The following KCNIP4 variants were observed in gnomAD, a reference collection of about 807,000 sequenced individuals.
The protein encoded by KCNIP4 is potassium voltage-gated channel interacting protein 4, also known as Kv channel-interacting protein 4.
KCNIP4 carries 12 observed loss-of-function variants against 34.0 expected under a neutral mutation model. That is an observed-to-expected ratio of 0.35 (90% CI 0.23 to 0.57). The LOEUF is 0.57. KCNIP4 is among the 20% of genes least tolerant of loss of function. The pLI is 0.83. For missense variants in KCNIP4, 238 were observed against 311.7 expected, an observed-to-expected ratio of 0.76 and a Z score of 1.78; for synonymous variants, 124 against 102.2, an observed-to-expected ratio of 1.21 and a Z score of -1.29.
chr4:21,692,063 T>C (rs1296973400), intron 1 of KCNIP4, among the ~76,000 whole-genome samples: 1 of 152,130 alleles, frequency 6.6e-6, no homozygotes, highest in African/African-American at 2.4e-5. Flanking sequence ...TTGATTAATT[T>C]AGCCAACCAG....
At chr4:21,655,221 A>T (rs1032742025) in intron 1 of KCNIP4, among the ~76,000 whole-genome samples, 2 of 152,114 alleles carry the variant, frequency 1.3e-5, no homozygotes, top group Non-Finnish European at 2.9e-5. Flanking sequence ...TAAAATGCAG[A>T]TTTATTTTAA....
intron 1 of KCNIP4, among the ~76,000 whole-genome samples, chr4:21,313,825 G>A (rs1050588623): frequency 6.6e-6 from 1 of 152,168 alleles, no homozygotes; most frequent in African/African-American, 2.4e-5. Context: ...AACTCAGGAT[G>A]GCACCTCTCT....
chr4:21,623,223 G>A (rs1745102118), intron 1 of KCNIP4, among the ~76,000 whole-genome samples: 1 of 152,036 alleles, frequency 6.6e-6, no homozygotes, highest in South Asian at 2.1e-4. Flanking sequence ...CTTTATAGAT[G>A]GTGAATTATA....
chr4:21,584,304 T>G (rs1251113784), intron 1 of KCNIP4, among the ~76,000 whole-genome samples: 2 of 152,074 alleles, frequency 1.3e-5, no homozygotes, highest in Admixed American at 1.3e-4. Flanking sequence ...CAAAATTAAT[T>G]TAGAAAAATG....
At chr4:21,524,913 C>T (rs1417815400) in intron 1 of KCNIP4, among the ~76,000 whole-genome samples, 1 of 152,094 alleles carries the variant, frequency 6.6e-6, no homozygotes, top group Non-Finnish European at 1.5e-5. Flanking sequence ...ACAAATTCAA[C>T]ATATACTATG....
At chr4:21,050,079 T>TC (rs35132393) in intron 1 of KCNIP4, among the ~76,000 whole-genome samples, 1 of 152,198 alleles carries the variant, frequency 6.6e-6, no homozygotes, top group African/African-American at 2.4e-5. Flanking sequence ...GCAGCTTGAG[T>TC]CCCAGTTACC....
chr4:21,404,779 T>C (rs1723831621), intron 1 of KCNIP4, among the ~76,000 whole-genome samples: 1 of 152,188 alleles, frequency 6.6e-6, no homozygotes, highest in African/African-American at 2.4e-5. Flanking sequence ...GATGGTTAAA[T>C]ATTAGTCTGG....
chr4:21,566,211 T>C (rs1391752431), intron 1 of KCNIP4, among the ~76,000 whole-genome samples: 1 of 152,170 alleles, frequency 6.6e-6, no homozygotes, highest in Non-Finnish European at 1.5e-5. Context: ...AAGAATGAGT[T>C]GGTCTGGGAT....
chr4:20,826,577 A>C (rs1467402507), intron 3 of KCNIP4, among the ~76,000 whole-genome samples: 2 of 151,322 alleles, frequency 1.3e-5, no homozygotes, highest in Non-Finnish European at 2.9e-5. Flanking sequence ...CAACAGAGTG[A>C]GACCTTGTCT....
intron 1 of KCNIP4, among the ~76,000 whole-genome samples, chr4:21,117,392 A>G (rs970276814): frequency 7.3e-5 from 11 of 151,446 alleles, no homozygotes; most frequent in Non-Finnish European, 1.2e-4. Context: ...CCATTAGGTA[A>G]TAAAGAGTGA....
intron 1 of KCNIP4, among the ~76,000 whole-genome samples, chr4:20,894,247 T>G (rs1443237317): frequency 1.3e-5 from 2 of 152,138 alleles, no homozygotes; most frequent in Non-Finnish European, 2.9e-5. Context: ...GCCTTTAATA[T>G]CGGAAAGCAA....
intron 1 of KCNIP4, among the ~76,000 whole-genome samples, chr4:21,169,249 C>T (rs1753837180): frequency 6.6e-6 from 1 of 151,996 alleles, no homozygotes; most frequent in Admixed American, 6.6e-5. Context: ...ACCTCCTGGG[C>T]TCAAGTGATC....
intron 1 of KCNIP4, among the ~76,000 whole-genome samples, chr4:21,247,759 T>TATATATACAC (rs1366204923): frequency 1.7e-5 from 2 of 120,012 alleles, no homozygotes; most frequent in African/African-American, 7.1e-5. Flanking sequence ...TATATATATA[T>TATATATACAC]ACACCCCACA....
chr4:20,838,290 T>C (rs911583046), intron 3 of KCNIP4, among the ~76,000 whole-genome samples: 2 of 152,182 alleles, frequency 1.3e-5, no homozygotes, highest in African/African-American at 4.8e-5. Flanking sequence ...TATTTGAGTT[T>C]GAAGTACATC....
intron 1 of KCNIP4, among the ~76,000 whole-genome samples, chr4:21,397,605 A>G (rs1723115476): frequency 6.6e-6 from 1 of 152,222 alleles, no homozygotes; most frequent in Non-Finnish European, 1.5e-5. Flanking sequence ...AAAACAAGAT[A>G]TTAAATATTT....
chr4:20,837,662 CTA>C (rs36015537), intron 3 of KCNIP4, among the ~76,000 whole-genome samples: 7,315 of 137,960 alleles, frequency 0.053, 280 homozygotes, highest in Non-Finnish European at 0.077. Flanking sequence ...GTTGTCAGTG[CTA>C]TATATATATA....
intron 1 of KCNIP4, among the ~76,000 whole-genome samples, chr4:21,300,695 A>ATT (rs1029083342): frequency 6.6e-6 from 1 of 152,098 alleles, no homozygotes; most frequent in Non-Finnish European, 1.5e-5. Context: ...TACAATGAAT[A>ATT]TTTCCCTGAG....
chr4:21,564,398 T>C (rs1203918838), intron 1 of KCNIP4, among the ~76,000 whole-genome samples: 1 of 152,086 alleles, frequency 6.6e-6, no homozygotes, highest in East Asian at 1.9e-4. Flanking sequence ...ATATTTAACC[T>C]AGGTGGAAAA....
At chr4:21,694,274 G>T (rs1712017734) in intron 1 of KCNIP4, among the ~76,000 whole-genome samples, 3 of 152,088 alleles carry the variant, frequency 2.0e-5, no homozygotes, top group Admixed American at 2.0e-4. Flanking sequence ...ATATTGGGTA[G>T]CATGAGCCCC....
Sources: allele counts gnomAD v4.1 joint callset (sites outside exome capture counted in the v4.1 genomes callset), GRCh38; gene constraint gnomAD v4.1.1; transcripts MANE v1.5; gene names NCBI Gene and HGNC (gene_info 2026-07-23, HGNC 2026-07-21).